The following AGAP1 variants were observed in gnomAD, a reference collection of about 807,000 sequenced individuals.
AGAP1 encodes ArfGAP with GTPase domain, ankyrin repeat and PH domain 1.
A neutral mutation model predicts 105.3 loss-of-function variants in AGAP1; 29 were observed. The ratio of observed to expected loss-of-function variants is 0.28; its 90% CI spans 0.21 to 0.38. The LOEUF (loss-of-function observed/expected upper bound fraction) is 0.38, where lower values mean the gene tolerates loss of function less well. Ranked by LOEUF, AGAP1 falls within the 10% of genes least tolerant of loss-of-function variation. The pLI, the probability that AGAP1 is intolerant of heterozygous loss-of-function variation, is 1.00. For missense variants in AGAP1, 998 were observed against 1,165.1 expected, an observed-to-expected ratio of 0.86 and a Z score of 2.09; for synonymous variants, 509 against 485.9, an observed-to-expected ratio of 1.05 and a Z score of -0.63.
intron 1 of AGAP1, among the ~76,000 whole-genome samples, chr2:235,688,507 A>G (rs975385248): frequency 1.3e-5 from 2 of 152,032 alleles, no homozygotes; most frequent in South Asian, 4.2e-4. Flanking sequence ...GGGGTACTTT[A>G]GTATGCCCTG....
intron 16 of AGAP1, among the ~76,000 whole-genome samples, chr2:236,099,175 A>T (rs911289911): frequency 4.6e-4 from 70 of 151,480 alleles, no homozygotes; most frequent in African/African-American, 1.6e-3. Flanking sequence ...GCTTGGGGCC[A>T]GGTGCGGTGG....
intron 5 of AGAP1, among the ~76,000 whole-genome samples, chr2:235,748,253 C>A (rs189606924): frequency 3.0e-4 from 45 of 152,270 alleles, no homozygotes; most frequent in South Asian, 4.1e-4. Flanking sequence ...AGAAACCAAG[C>A]GAGCATGCCG....
At position 236,109,866 on chromosome 2, in the gene AGAP1, C is replaced by T. The variant is rs3768926; in HGVS notation, c.2115-10326C>T. Among the ~76,000 whole-genome samples, 81,650 of 152,184 alleles carry T rather than the reference C, an allele frequency of 0.54. 23,702 individuals are homozygous for T. Among genetic ancestry groups the T allele is most frequent in the African/African-American group, 0.77 (31,983 of 41,552 alleles). On this transcript the variant is annotated intron_variant, in intron 16 of 17. Coordinates refer to ENST00000304032, the MANE Select transcript of AGAP1 (RefSeq NM_001037131.3). This position sits in a 1 kb window ranked among gnomAD's most constrained non-coding sequence, Gnocchi z 5.4. ...TTGGGGGGCACACCTCTAGATTCTTCCTCTGAAGCAAACCCTACCTAACCC... is the reference window on the plus strand; with the variant it reads ...TTGGGGGGCACACCTCTAGATTCTTTCTCTGAAGCAAACCCTACCTAACCC...
In AGAP1 at chr2:236,076,394, G is replaced by A. The variant is rs1333780074; in HGVS notation, c.2114+27113G>A. The stretch of plus-strand genomic sequence containing the variant: ...CTGGAGGCAGAGGTTACAGTGAGTC[G>A]AGACCACACCATTGTACTCCAGCCT... On this transcript the variant is annotated intron_variant, in intron 16 of 17. Coordinates refer to ENST00000304032, the MANE Select transcript of AGAP1 (RefSeq NM_001037131.3). The surrounding 1 kb of genome is among the most constrained non-coding windows in gnomAD (Gnocchi z 4.4). 2.0e-5 allele frequency among the ~76,000 whole-genome samples: 3 copies of A among 152,020 alleles called. No homozygotes were observed. Among genetic ancestry groups the A allele is most frequent in the Non-Finnish European group, 2.9e-5 (2 of 68,002 alleles).
intron 9 of AGAP1, among the ~76,000 whole-genome samples, chr2:235,860,288 T>C (rs2048875916): frequency 6.6e-6 from 1 of 152,320 alleles, no homozygotes; most frequent in East Asian, 1.9e-4. Context: ...TGAGCTCTGC[T>C]GGAAGTCATT....
rs1952611040 is a variant in AGAP1 at position 235,741,893 on chromosome 2, AC to A, written c.396+846del. ...CTCAGCCTCCTGAGTAGCTGGGACT[AC>A]GGGCGCCTGCTACCACGCCTGGCTA... On this transcript the variant is annotated intron_variant, in intron 4 of 17. Coordinates refer to ENST00000304032, the MANE Select transcript of AGAP1 (RefSeq NM_001037131.3). The surrounding 1 kb of genome is among the most constrained non-coding windows in gnomAD (Gnocchi z 4.9). Among the ~76,000 whole-genome samples, 1 of 151,710 alleles carries A rather than the reference AC, an allele frequency of 6.6e-6. No individual in the cohort carries two copies. Among genetic ancestry groups the A allele is most frequent in the Non-Finnish European group, 1.5e-5 (1 of 67,944 alleles).
intron 1 of AGAP1, among the ~76,000 whole-genome samples, chr2:235,708,830 T>A (rs1950681044): frequency 6.6e-6 from 1 of 152,174 alleles, no homozygotes; most frequent in Non-Finnish European, 1.5e-5. Flanking sequence ...CTCAAATATC[T>A]CCACACTTGC....
chr2:236,121,619 G>A lies in AGAP1; in HGVS notation c.2370+1172G>A, dbSNP rs1230223428. ...CAGCCTTGATCTGACTTTTTTGATG[G>A]GTGCAGTTGGTGAATGAGTGAGATA... On this transcript the variant is annotated intron_variant, in intron 17 of 17. Transcript: ENST00000304032. The surrounding 1 kb of genome is among the most constrained non-coding windows in gnomAD (Gnocchi z 4.9). 3.9e-5 allele frequency among the ~76,000 whole-genome samples: 6 copies of A among 152,164 alleles called. No homozygotes were observed. In the East Asian group the frequency reaches 1.2e-3, roughly 30 times the overall value.
intron 1 of AGAP1, among the ~76,000 whole-genome samples, chr2:235,644,230 G>A (rs564680663): frequency 2.7e-4 from 41 of 152,352 alleles, no homozygotes; most frequent in African/African-American, 9.6e-4. Flanking sequence ...GGAGAAGAAA[G>A]TCTGGAAGAA....
At chr2:235,523,810 G>T (rs1364896017) in intron 1 of AGAP1, among the ~76,000 whole-genome samples, 2 of 150,898 alleles carry the variant, frequency 1.3e-5, no homozygotes, top group Non-Finnish European at 3.0e-5. Context: ...TGCCCTTCCA[G>T]TGGGAGTGAC....
intron 12 of AGAP1, among the ~76,000 whole-genome samples, chr2:235,932,336 A>G (rs2125161105): frequency 6.6e-6 from 1 of 152,350 alleles, no homozygotes; most frequent in African/African-American, 2.4e-5. Context: ...GTGCCACAAC[A>G]CAGGACAGTA....
intron 1 of AGAP1, among the ~76,000 whole-genome samples, chr2:235,676,296 C>A (rs780220952): frequency 4.2e-4 from 64 of 152,246 alleles, no homozygotes; most frequent in Non-Finnish European, 7.8e-4. Context: ...CCTGCCACTT[C>A]TAACTAGTGA....
intron 1 of AGAP1, chr2:235,670,992 T>G (rs1339828483): frequency 3.0e-6 from 4 of 1,324,264 alleles, no homozygotes; most frequent in Admixed American, 7.4e-5. Flanking sequence ...TACTTCAGCC[T>G]GCGGCGGGCC....
chr2:235,845,736 C>G lies in AGAP1; in HGVS notation c.1051-37609C>G, dbSNP rs534042869. On this transcript the variant is annotated intron_variant, in intron 9 of 17. Transcript: ENST00000304032. The surrounding 1 kb of genome is among the most constrained non-coding windows in gnomAD (Gnocchi z 4.8). ...ACTATTCCTGATGTCATCTATTAAC[C>G]TTCTCCAGCTGCTCCGAGATGGTCA... 3.2e-4 allele frequency among the ~76,000 whole-genome samples: 48 copies of G among 152,182 alleles called. No homozygotes were observed. The highest frequency in any genetic ancestry group is 1.0e-3 in the Admixed American group (16 of 15,284).
At position 235,705,305 on chromosome 2, in the gene AGAP1, C is replaced by T. The variant is rs755439133; in HGVS notation, c.164-3874C>T. 2.6e-5 allele frequency among the ~76,000 whole-genome samples: 4 copies of T among 152,172 alleles called. No individual in the cohort carries two copies. The highest frequency in any genetic ancestry group is 5.9e-5 in the Non-Finnish European group (4 of 68,044). ...AGACACTTCTGAGAACGAGCTACATCCTCTGTGCCACTGGATTCTGGCTGG... is the reference window on the plus strand; with the variant it reads ...AGACACTTCTGAGAACGAGCTACATTCTCTGTGCCACTGGATTCTGGCTGG... On this transcript the variant is annotated intron_variant, in intron 1 of 17. Transcript: ENST00000304032. The surrounding 1 kb of genome is among the most constrained non-coding windows in gnomAD (Gnocchi z 4.9).
rs1457774343 is a variant in AGAP1, at chr2:236,082,441, G to A, written c.2114+33160G>A. 2.0e-5 allele frequency among the ~76,000 whole-genome samples: 3 copies of A among 152,176 alleles called. No individual in the cohort carries two copies. Among genetic ancestry groups the A allele is most frequent in the Non-Finnish European group, 4.4e-5 (3 of 68,040 alleles). On this transcript the variant is annotated intron_variant, in intron 16 of 17. Coordinates refer to ENST00000304032, the MANE Select transcript of AGAP1 (RefSeq NM_001037131.3). The surrounding 1 kb of genome is among the most constrained non-coding windows in gnomAD (Gnocchi z 4.2). ...ACCCACCAGGTCCTGCTACGGGGCC[G>A]CTGCCCATTTGATCTCTCAGGGAGG...
intron 14 of AGAP1, among the ~76,000 whole-genome samples, chr2:236,037,621 T>C (rs975601397): frequency 2.6e-5 from 4 of 152,176 alleles, no homozygotes; most frequent in African/African-American, 9.7e-5. Context: ...TTGCCCAGGC[T>C]GGTCTCAAAC....
chr2:235,869,629 T>C lies in AGAP1; in HGVS notation c.1051-13716T>C, dbSNP rs146788493. On this transcript the variant is annotated intron_variant, in intron 9 of 17. Coordinates refer to ENST00000304032, the MANE Select transcript of AGAP1 (RefSeq NM_001037131.3). ...AATAAAAAATAAAAGTGCCACCTTA[T>C]TGTTTATCATGATTCTGTGGGTCAG... Among the ~76,000 whole-genome samples the C allele has an allele frequency of 1.5e-4, 23 of 152,192 alleles. No homozygotes were observed. In the East Asian group the frequency reaches 3.7e-3, roughly 24 times the overall value.
At chr2:236,057,730 C>T (rs1327834480) in intron 16 of AGAP1, among the ~76,000 whole-genome samples, 1 of 152,158 alleles carries the variant, frequency 6.6e-6, no homozygotes, top group Non-Finnish European at 1.5e-5. Context: ...GGTTTCATGG[C>T]CAGCATCTTC....
Sources: gnomAD v4.1 joint callset for allele counts (sites outside exome capture counted in the v4.1 genomes callset) on GRCh38, gnomAD v4.1.1 for gene constraint, Gnocchi (gnomAD v3.1) non-coding constraint, MANE v1.5 for transcripts, NCBI Gene and HGNC (gene_info 2026-07-23, HGNC 2026-07-21) for gene names.